The following DNAH5 variants were observed in gnomAD, a reference collection of about 807,000 sequenced individuals.
The protein encoded by DNAH5 is axonemal beta dynein heavy chain 5.
DNAH5 carries 372 observed loss-of-function variants against 518.2 expected under a neutral mutation model. The ratio of observed to expected loss-of-function variants is 0.72; its 90% CI spans 0.66 to 0.78. DNAH5 has a LOEUF of 0.78. Ranked by LOEUF, DNAH5 falls within the 30% of genes least tolerant of loss-of-function variation. DNAH5 has a pLI of 0.00. For synonymous variants in DNAH5, 2,039 were observed against 2,025.9 expected, an observed-to-expected ratio of 1.01 and a Z score of -0.17; for missense variants, 5,523 against 5,687.0, an observed-to-expected ratio of 0.97 and a Z score of 0.93.
chr5:13,742,297 C>T (rs1177630470), intron 65 of DNAH5, among the ~76,000 whole-genome samples: 1 of 152,034 alleles, frequency 6.6e-6, no homozygotes, highest in Non-Finnish European at 1.5e-5. Flanking sequence ...AAAACTTTTA[C>T]CTTTCTGCCC....
intron 64 of DNAH5, 125 bp downstream of exon 64, chr5:13,752,009 A>G (rs1456320456): frequency 4.8e-6 from 5 of 1,039,512 alleles, no homozygotes; most frequent in African/African-American, 4.7e-5. Context: ...TGTAGAAGAG[A>G]AAAACAAACC....
Position 13,916,869 on chromosome 5 carries a change from T to C in DNAH5, c.1089+274A>G, listed in dbSNP as rs113211044. On this transcript the variant is annotated intron_variant, in intron 8 of 78. Coordinates refer to ENST00000265104, the MANE Select transcript of DNAH5 (RefSeq NM_001369.3). ...TCAGAATGTCCTTTGCAATATTTAA[T>C]GGAAAATGTAACATGCAATAAATGT... 3.0e-3 allele frequency among the ~76,000 whole-genome samples: 450 copies of C among 152,282 alleles called. 1 individual carries two copies. Among genetic ancestry groups the C allele is most frequent in the South Asian group, 9.7e-3 (47 of 4,824 alleles).
chr5:13,992,693 C>T (rs547721489), intron 1 of DNAH5, among the ~76,000 whole-genome samples: 34 of 152,242 alleles, frequency 2.2e-4, no homozygotes, highest in Middle Eastern at 6.8e-3. Flanking sequence ...ATCGAGTGAT[C>T]GGTATTCCAC....
intron 65 of DNAH5, among the ~76,000 whole-genome samples, chr5:13,749,489 A>T (rs556324821): frequency 6.6e-6 from 1 of 152,320 alleles, no homozygotes; most frequent in East Asian, 1.9e-4. Context: ...CTGCTACAGG[A>T]ATTAAGGCCC....
At chr5:13,867,474 T>C (rs1339726391) in intron 25 of DNAH5, among the ~76,000 whole-genome samples, 1 of 152,118 alleles carries the variant, frequency 6.6e-6, no homozygotes, top group Non-Finnish European at 1.5e-5. Flanking sequence ...TCCACCATGA[T>C]TGTAAGTTTC....
chr5:13,919,075 G>C lies in DNAH5; in HGVS notation c.975+101C>G, dbSNP rs112614199. On this transcript the variant is annotated intron_variant, in intron 7 of 78. Transcript: ENST00000265104. ...GTAATTTTAAATGTTTTTCATCAAG[G>C]TATAATAACATTTTTTTGTTCCTAA... is the stretch of plus-strand genomic sequence containing the variant. 10,249 of 1,401,416 alleles carry C rather than the reference G, an allele frequency of 7.3e-3. 117 individuals carry two copies. The highest frequency in any genetic ancestry group is 0.038 in the South Asian group (3,245 of 85,860). 86.8% of individuals were successfully genotyped at this position (1,401,416 alleles called of 1,614,324 possible).
chr5:13,865,901 T>C lies in DNAH5; in HGVS notation c.4122A>G (p.Gln1374=), dbSNP rs1769177282. The C allele has an allele frequency of 1.3e-6, 2 of 1,578,172 alleles. No individual in the cohort carries two copies. Among genetic ancestry groups the C allele is most frequent in the South Asian group, 1.1e-5 (1 of 90,116 alleles). Residue 1374 remains glutamine, a synonymous_variant, in exon 27 of 79, where the codon CAA becomes CAG. Transcript: ENST00000265104. ...TGTATTTCCGATAGATATTATCAAA[T>C]TGATTCTAATAAAAACACAAGTGAA... ...ASDRLIMFQN[Q]FDNIYRKYIT...
chr5:13,843,680 G>A (rs1319189287), intron 32 of DNAH5, among the ~76,000 whole-genome samples: 1 of 152,026 alleles, frequency 6.6e-6, no homozygotes, highest in Non-Finnish European at 1.5e-5. Context: ...ACACTTCCGA[G>A]CGCCCACACC....
intron 47 of DNAH5, among the ~76,000 whole-genome samples, chr5:13,803,532 C>G (rs896202515): frequency 7.9e-5 from 12 of 152,210 alleles, no homozygotes; most frequent in African/African-American, 2.2e-4. Flanking sequence ...CCAGCTGTTT[C>G]CAGCTTAGGT....
At chr5:13,851,989 C>T (rs795517) in intron 30 of DNAH5, among the ~76,000 whole-genome samples, 9,312 of 151,840 alleles carry the variant, frequency 0.061, 301 homozygotes, top group African/African-American at 0.079. Flanking sequence ...AACTCTCCCC[C>T]GAGCCAAGGG....
At chr5:13,983,426 G>T (rs557097799) in intron 1 of DNAH5, among the ~76,000 whole-genome samples, 15 of 152,286 alleles carry the variant, frequency 9.8e-5, no homozygotes, top group African/African-American at 3.6e-4. Flanking sequence ...GTGTGGGGAG[G>T]TTATAGCTAT....
chr5:13,926,717 T>C (rs1777908423), intron 3 of DNAH5, among the ~76,000 whole-genome samples: 1 of 152,202 alleles, frequency 6.6e-6, no homozygotes, highest in African/African-American at 2.4e-5. Flanking sequence ...AGTGAGAAGA[T>C]TTAAAGGTTA....
At chr5:13,823,660 T>G (rs1762524775) in intron 39 of DNAH5, among the ~76,000 whole-genome samples, 1 of 152,216 alleles carries the variant, frequency 6.6e-6, no homozygotes, top group African/African-American at 2.4e-5. Flanking sequence ...TACCATATAG[T>G]CTACAATTTT....
chr5:13,844,210 A>G (rs10035345), intron 32 of DNAH5, among the ~76,000 whole-genome samples: 7,912 of 152,278 alleles, frequency 0.052, 731 homozygotes, highest in African/African-American at 0.18. Context: ...ATGTAACACC[A>G]CATGCTAGGA....
intron 38 of DNAH5, among the ~76,000 whole-genome samples, chr5:13,827,794 A>C (rs1408612026): frequency 1.3e-5 from 2 of 152,032 alleles, no homozygotes; most frequent in Non-Finnish European, 2.9e-5. Context: ...AGTGGAAGGT[A>C]ATTTAATCAT....
At chr5:13,814,571 T>C (rs748254019) in intron 43 of DNAH5, 34 bp downstream of exon 43, 1 of 1,608,930 alleles carries the variant, frequency 6.2e-7, no homozygotes. Context: ...TCTGTTTTCC[T>C]TTTTAATTAT....
chr5:14,008,173 GAAA>G (rs113559402), intron 1 of DNAH5, among the ~76,000 whole-genome samples: 1 of 73,616 alleles, frequency 1.4e-5, no homozygotes, highest in Non-Finnish European at 2.9e-5. Flanking sequence ...ATCCGTCTTA[GAAA>G]AAAAAAAAAA....
In DNAH5 at chr5:13,874,766, C is replaced by T. The variant is rs191979921; in HGVS notation, c.3396+1918G>A. On this transcript the variant is annotated intron_variant, in intron 22 of 78. Coordinates refer to ENST00000265104, the MANE Select transcript of DNAH5 (RefSeq NM_001369.3). ...CTCCCAGCCTCAAGTGATCCCCCAC[C>T]TTGGCCTCTCAAAGTGCTGACATTA... 1.1e-4 allele frequency among the ~76,000 whole-genome samples: 17 copies of T among 152,314 alleles called. No homozygotes were observed. The East Asian group carries it at 2.9e-3, about 26-fold the overall frequency.
intron 65 of DNAH5, among the ~76,000 whole-genome samples, chr5:13,739,199 G>A (rs936076580): frequency 6.6e-6 from 1 of 152,214 alleles, no homozygotes. Flanking sequence ...TTGGCTCTGT[G>A]CCCCCACTCA....
Sources: gnomAD v4.1 joint callset for allele counts (sites outside exome capture counted in the v4.1 genomes callset) on GRCh38, gnomAD v4.1.1 for gene constraint, MANE v1.5 for transcripts, NCBI Gene and HGNC (gene_info 2026-07-23, HGNC 2026-07-21) for gene names.